ETNK1: variants seen among roughly 807,000 people sequenced by gnomAD.
ETNK1 encodes the protein ethanolamine kinase 1.
In ETNK1, 8 loss-of-function variants were observed where a neutral mutation model predicts 45.1. The observed-to-expected ratio is 0.18, with a 90% CI of 0.10 to 0.32. The LOEUF (loss-of-function observed/expected upper bound fraction) is 0.32. Among genes scored for constraint, ETNK1 ranks in the 10% least tolerant of loss-of-function variants. ETNK1 has a pLI of 1.00. For missense variants in ETNK1, 302 were observed against 430.6 expected, an observed-to-expected ratio of 0.70 and a Z score of 2.64; for synonymous variants, 152 against 151.9, an observed-to-expected ratio of 1.00 and a Z score of -0.01.
Position 22,685,148 on chromosome 12 carries a change from C to A in ETNK1, c.*194C>A. ...GTCAAGAAATATACCTACTGCTATCCGTATGTGGTGGATTAGAAATGTGTT... is the reference window on the plus strand; with the variant it reads ...GTCAAGAAATATACCTACTGCTATCAGTATGTGGTGGATTAGAAATGTGTT... On this transcript the variant is annotated 3_prime_UTR_variant, in exon 8 of 8. Transcript: ENST00000266517. 1 of 453,052 alleles carries A rather than the reference C, an allele frequency of 2.2e-6. No individual in the cohort carries two copies. Among genetic ancestry groups the A allele is most frequent in the Non-Finnish European group, 3.9e-6 (1 of 254,892 alleles). 28.1% of individuals were successfully genotyped at this position (453,052 alleles called of 1,614,324 possible).
At chr12:22,681,478 T>G (rs1426158658) in intron 6 of ETNK1, among the ~76,000 whole-genome samples, 3 of 152,014 alleles carry the variant, frequency 2.0e-5, no homozygotes, top group African/African-American at 7.2e-5. Context: ...CAGCGTAAAA[T>G]ATGCAAGGCA....
At position 22,651,335 on chromosome 12, in the gene ETNK1, G is replaced by C. The variant is rs143622304; in HGVS notation, c.416+7313G>C. Reference sequence around the variant, plus strand: ...GTGACAAAGAAAAGGGAAGATGAAGGCTCCGTTGTGAACATACCTGACTTC... The same window carrying C: ...GTGACAAAGAAAAGGGAAGATGAAGCCTCCGTTGTGAACATACCTGACTTC... On this transcript the variant is annotated intron_variant, in intron 2 of 7. Transcript: ENST00000266517. 1.2e-3 allele frequency among the ~76,000 whole-genome samples: 188 copies of C among 152,254 alleles called. 1 individual carries two copies. The highest frequency in any genetic ancestry group is 4.3e-3 in the African/African-American group (180 of 41,564).
chr12:22,664,549 A>G (rs187055458), intron 4 of ETNK1, among the ~76,000 whole-genome samples: 106 of 152,244 alleles, frequency 7.0e-4, no homozygotes, highest in African/African-American at 2.5e-3. Context: ...GAACTGGTAG[A>G]CATCACAGGA....
Position 22,671,309 on chromosome 12 carries a change from C to T in ETNK1, c.738C>T (p.Tyr246=). 4.3e-6 allele frequency: 7 copies of T among 1,610,834 alleles called. No individual in the cohort carries two copies. The highest frequency in any genetic ancestry group is 5.1e-6 in the Non-Finnish European group (6 of 1,177,540). Residue 246 remains tyrosine, a synonymous_variant, in exon 5 of 8, where the codon TAC becomes TAT. Coordinates refer to ENST00000266517, the MANE Select transcript of ETNK1 (RefSeq NM_018638.5). The stretch of plus-strand genomic sequence containing the variant: ...TCATTGATTATGAATATTCTGGATA[C>T]AACTACCTGGCATATGATATTGGAA... ...VQFIDYEYSG[Y]NYLAYDIGNH...
intron 1 of ETNK1, among the ~76,000 whole-genome samples, chr12:22,640,713 A>ATATATGAGATAGAGAG (rs1953725310): frequency 6.7e-6 from 1 of 150,356 alleles, no homozygotes; most frequent in Non-Finnish European, 1.5e-5. Flanking sequence ...TACTGATTTT[A>ATATATGAGATAGAGAG]TATATGAGAT....
At chr12:22,634,621 G>T (rs1043261666) in intron 1 of ETNK1, among the ~76,000 whole-genome samples, 1 of 152,078 alleles carries the variant, frequency 6.6e-6, no homozygotes, top group Admixed American at 6.6e-5. Flanking sequence ...TTGAGGCTGG[G>T]TCTCACTCTG....
At chr12:22,636,528 A>G (rs1189559246) in intron 1 of ETNK1, among the ~76,000 whole-genome samples, 3 of 152,066 alleles carry the variant, frequency 2.0e-5, no homozygotes, top group African/African-American at 7.2e-5. Flanking sequence ...CTTTAGTAAT[A>G]TTTCATTAAG....
chr12:22,686,733 T>C lies in ETNK1; in HGVS notation c.*1779T>C, dbSNP rs930360022. ...GCCTAGTTAAGTGAATGGAACCAAT[T>C]AAACAACTAGTAGCTTTTTATAATG... On this transcript the variant is annotated 3_prime_UTR_variant, in exon 8 of 8. Transcript: ENST00000266517. 9 of 152,246 alleles carry C rather than the reference T, an allele frequency of 5.9e-5. No homozygotes were observed. Among genetic ancestry groups the C allele is most frequent in the Admixed American group, 1.3e-4 (2 of 15,230 alleles). The allele number at this position is 152,246 out of a possible 1,614,324, so 9.4% of individuals were successfully genotyped here. A position where few individuals can be genotyped will look rare whatever the true frequency, so the allele number is the denominator to read the frequency against.
chr12:22,653,824 G>A (rs1026249326), intron 2 of ETNK1, among the ~76,000 whole-genome samples: 2 of 152,130 alleles, frequency 1.3e-5, no homozygotes, highest in African/African-American at 4.8e-5. Context: ...TATGGAACTT[G>A]TGATTAGGCC....
chr12:22,639,683 A>G (rs76159168), intron 1 of ETNK1, among the ~76,000 whole-genome samples: 1 of 151,892 alleles, frequency 6.6e-6, no homozygotes, highest in South Asian at 2.1e-4. Flanking sequence ...AAAAAAAAAA[A>G]GAGGAAGATC....
chr12:22,656,019 C>T (rs1172793286), intron 2 of ETNK1, among the ~76,000 whole-genome samples: 2 of 152,192 alleles, frequency 1.3e-5, no homozygotes, highest in African/African-American at 4.8e-5. Flanking sequence ...AAAGGCAAGA[C>T]TTTCAAAATT....
chr12:22,644,978 C>A (rs1953789158), intron 2 of ETNK1, among the ~76,000 whole-genome samples: 1 of 151,888 alleles, frequency 6.6e-6, no homozygotes, highest in Non-Finnish European at 1.5e-5. Context: ...CTATTGTAAA[C>A]CTGTATCAAA....
Position 22,643,881 on chromosome 12 carries a change from A to G in ETNK1, c.275A>G (p.Glu92Gly). The change falls in exon 2 of 8, where the codon GAG becomes GGG. Residue 92 changes from glutamate (E) to glycine (G), a missense_variant. By Grantham distance (98) the Glu-to-Gly change is moderately conservative. Transcript: ENST00000266517. ...ACTGAGTTATTAGTCGATCGAGATGAGGAAGTAAAGAGTTTTCGAGTGTTG... is the reference window on the plus strand; with the variant it reads ...ACTGAGTTATTAGTCGATCGAGATGGGGAAGTAAAGAGTTTTCGAGTGTTG... ...NKTELLVDRD[E>G]EVKSFRVLQA... 1.2e-6 allele frequency: 2 copies of G among 1,613,532 alleles called. No homozygotes were observed. The highest frequency in any genetic ancestry group is 1.7e-6 in the Non-Finnish European group (2 of 1,179,552).
chr12:22,635,957 T>C (rs2137522890), intron 1 of ETNK1, among the ~76,000 whole-genome samples: 1 of 152,248 alleles, frequency 6.6e-6, no homozygotes, highest in East Asian at 1.9e-4. Flanking sequence ...GTGGGCAGAC[T>C]GTTTGATTCC....
intron 1 of ETNK1, among the ~76,000 whole-genome samples, chr12:22,636,883 G>A (rs11046507): frequency 0.052 from 7,935 of 152,136 alleles, 658 homozygotes; most frequent in African/African-American, 0.18. Flanking sequence ...CTTTCAGAAC[G>A]TGTAAAATAA....
Position 22,659,052 on chromosome 12 carries a change from A to G in ETNK1, c.455A>G (p.His152Arg). 1.2e-6 allele frequency: 2 copies of G among 1,614,000 alleles called. No individual in the cohort carries two copies. Among genetic ancestry groups the G allele is most frequent in the Non-Finnish European group, 1.7e-6 (2 of 1,179,928 alleles). ...ARQLAKIHAI[H>R]AHNGWIPKSN... ...CAGCTTGCTAAAATCCATGCTATTC[A>G]TGCACACAATGGCTGGATCCCCAAA... The change falls in exon 3 of 8, where the codon CAT becomes CGT. Residue 152 changes from histidine (H) to arginine (R), a missense_variant. Around this residue, in one of 3 missense-constraint regions of ETNK1, gnomAD observed 205 missense variants for 259.9 expected, o/e 0.79. Coordinates refer to ENST00000266517, the MANE Select transcript of ETNK1 (RefSeq NM_018638.5).
chr12:22,644,137 T>G (rs928227633), intron 2 of ETNK1, 115 bp downstream of exon 2: 1 of 1,502,634 alleles, frequency 6.7e-7, no homozygotes, highest in African/African-American at 1.4e-5. Context: ...CTTAGAAACT[T>G]TCTTTAGCTA....
At chr12:22,632,653 G>A (rs1332111096) in intron 1 of ETNK1, among the ~76,000 whole-genome samples, 1 of 151,890 alleles carries the variant, frequency 6.6e-6, no homozygotes, top group Non-Finnish European at 1.5e-5. Flanking sequence ...TGAGACTAAA[G>A]GTGCATGCCT....
chr12:22,649,882 T>C (rs1225041881), intron 2 of ETNK1, among the ~76,000 whole-genome samples: 1 of 152,110 alleles, frequency 6.6e-6, no homozygotes. Flanking sequence ...ACTGAATCTG[T>C]ATATCAAATT....
Sources: allele counts gnomAD v4.1 joint callset (sites outside exome capture counted in the v4.1 genomes callset), GRCh38; gene constraint gnomAD v4.1.1; regional missense constraint gnomAD v4.1.1; transcripts MANE v1.5; gene names NCBI Gene and HGNC (gene_info 2026-07-23, HGNC 2026-07-21).